HERPUD2: variants seen among roughly 807,000 people sequenced by gnomAD.
HERPUD2 encodes homocysteine-responsive endoplasmic reticulum-resident ubiquitin-like domain member 2 protein.
In HERPUD2, 13 loss-of-function variants were observed where a neutral mutation model predicts 49.9. The ratio of observed to expected loss-of-function variants is 0.26; its 90% CI spans 0.17 to 0.41. HERPUD2 has a LOEUF of 0.41. HERPUD2 is among the 10% of genes least tolerant of loss of function. The pLI, the probability that HERPUD2 is intolerant of heterozygous loss-of-function variation, is 1.00. For synonymous variants in HERPUD2, 172 were observed against 171.4 expected, an observed-to-expected ratio of 1.00 and a Z score of -0.03; for missense variants, 449 against 492.2, an observed-to-expected ratio of 0.91 and a Z score of 0.83.
intron 5 of HERPUD2, among the ~76,000 whole-genome samples, chr7:35,662,845 G>A (rs1785453648): frequency 6.6e-6 from 1 of 152,086 alleles, no homozygotes; most frequent in South Asian, 2.1e-4. Flanking sequence ...TGATATTTTT[G>A]AAGGGTTTTT....
chr7:35,633,977 C>A, intron 8 of HERPUD2, 126 bp from the exon 9 acceptor site: 1 of 915,142 alleles, frequency 1.1e-6, no homozygotes, highest in Non-Finnish European at 1.6e-6. Context: ...CATTAGAAAT[C>A]TTTAAGGCCA....
At chr7:35,690,576 G>C (rs560038182) in intron 2 of HERPUD2, among the ~76,000 whole-genome samples, 2 of 152,212 alleles carry the variant, frequency 1.3e-5, no homozygotes, top group African/African-American at 4.8e-5. Context: ...TCGGGAGGCC[G>C]AGGTGGGTGG....
intron 5 of HERPUD2, among the ~76,000 whole-genome samples, chr7:35,656,595 T>C (rs1785279959): frequency 1.3e-5 from 2 of 152,170 alleles, no homozygotes; most frequent in African/African-American, 4.8e-5. Context: ...CAAAATAGCA[T>C]GGTATTGGTA....
Position 35,633,488 on chromosome 7 carries a change from C to CT in HERPUD2, c.*201dup, listed in dbSNP as rs1554310859. ...TTGTTACGCTATGTTCTGTTAGGAT[C>CT]TTTAAAAAAAAAAAAAAAAAACTCA... On this transcript the variant is annotated 3_prime_UTR_variant, in exon 9 of 9. Transcript: ENST00000311350. 7 of 386,766 alleles carry CT rather than the reference C, an allele frequency of 1.8e-5. No individual in the cohort carries two copies. The highest frequency in any genetic ancestry group is 9.1e-5 in the East Asian group (2 of 22,048). The allele number at this position is 386,766 out of a possible 1,614,324, so 24.0% of individuals were successfully genotyped here. A position where few individuals can be genotyped will look rare whatever the true frequency, so the allele number is the denominator to read the frequency against.
intron 2 of HERPUD2, among the ~76,000 whole-genome samples, chr7:35,682,298 TGTATATATAGATATATACACATACACAC>T (rs1785917436): frequency 7.3e-5 from 4 of 54,994 alleles, no homozygotes; most frequent in Admixed American, 1.9e-4. Flanking sequence ...CGTGTGTGTG[TGTATATATAGATATATACACATACACAC>T]GTGTGTGTGT....
At chr7:35,663,680 G>A (rs145972522) in intron 5 of HERPUD2, among the ~76,000 whole-genome samples, 2 of 152,040 alleles carry the variant, frequency 1.3e-5, no homozygotes, top group Admixed American at 1.3e-4. Context: ...CTTTTGATCT[G>A]TTGGTTTAAA....
chr7:35,692,323 A>C (rs1316829669), intron 2 of HERPUD2, among the ~76,000 whole-genome samples: 1 of 152,106 alleles, frequency 6.6e-6, no homozygotes, highest in Non-Finnish European at 1.5e-5. Context: ...TTTTTAAAAA[A>C]GCTTTAGAAA....
intron 2 of HERPUD2, among the ~76,000 whole-genome samples, chr7:35,675,383 T>C (rs1417737663): frequency 6.6e-6 from 1 of 152,182 alleles, no homozygotes; most frequent in Non-Finnish European, 1.5e-5. Context: ...ATATAATCAA[T>C]GATTTAATTC....
At chr7:35,639,446 A>T (rs1156858951) in intron 5 of HERPUD2, among the ~76,000 whole-genome samples, 1 of 152,184 alleles carries the variant, frequency 6.6e-6, no homozygotes, top group Non-Finnish European at 1.5e-5. Flanking sequence ...CAGGATTCTT[A>T]TCCTGTATTC....
At chr7:35,681,087 G>C (rs1785879640) in intron 2 of HERPUD2, among the ~76,000 whole-genome samples, 1 of 152,146 alleles carries the variant, frequency 6.6e-6, no homozygotes, top group South Asian at 2.1e-4. Flanking sequence ...ACACTTGCTG[G>C]TGCTAAATTT....
chr7:35,671,597 A>G lies in HERPUD2; in HGVS notation c.226-1269T>C, dbSNP rs148688918. On this transcript the variant is annotated intron_variant, in intron 3 of 8. Coordinates refer to ENST00000311350, the MANE Select transcript of HERPUD2 (RefSeq NM_022373.5). ...ATTTATTTATCTTGGGAATGTTTCT[A>G]TAAAACATTTTGTGACTAAATAGGT... Among the ~76,000 whole-genome samples, 84 of 152,230 alleles carry G rather than the reference A, an allele frequency of 5.5e-4. 1 individual carries two copies. The East Asian group carries it at 0.01, about 18-fold the overall frequency.
intron 5 of HERPUD2, among the ~76,000 whole-genome samples, chr7:35,660,280 A>T (rs1399449370): frequency 6.6e-6 from 1 of 152,168 alleles, no homozygotes; most frequent in Non-Finnish European, 1.5e-5. Context: ...TCTATCATTG[A>T]TGGACATTTG....
intron 2 of HERPUD2, among the ~76,000 whole-genome samples, chr7:35,674,658 TC>T (rs1785721845): frequency 6.6e-6 from 1 of 150,992 alleles, no homozygotes. Flanking sequence ...CAACTTTCAG[TC>T]CCACCCCCAC....
chr7:35,662,112 T>A (rs1052678308), intron 5 of HERPUD2, among the ~76,000 whole-genome samples: 7 of 152,248 alleles, frequency 4.6e-5, no homozygotes, highest in Non-Finnish European at 1.0e-4. Flanking sequence ...AAAGGCCTTT[T>A]CTGCATCTAT....
intron 4 of HERPUD2, 67 bp downstream of exon 4, chr7:35,670,148 G>A: frequency 5.7e-6 from 4 of 695,838 alleles, no homozygotes; most frequent in Non-Finnish European, 9.4e-6. Flanking sequence ...GTTTTTAGAG[G>A]CAAAAAATAA....
intron 5 of HERPUD2, among the ~76,000 whole-genome samples, chr7:35,667,223 T>C (rs753319000): frequency 6.6e-6 from 1 of 152,196 alleles, no homozygotes; most frequent in Non-Finnish European, 1.5e-5. Flanking sequence ...ACATTCAAGA[T>C]TGAAAGCACT....
intron 2 of HERPUD2, among the ~76,000 whole-genome samples, chr7:35,686,414 C>T (rs1786045954): frequency 6.7e-6 from 1 of 149,944 alleles, no homozygotes; most frequent in Non-Finnish European, 1.5e-5. Context: ...GTCTCGATCT[C>T]CTGATCTCAT....
intron 5 of HERPUD2, among the ~76,000 whole-genome samples, chr7:35,665,665 C>T (rs569191142): frequency 2.6e-5 from 4 of 152,338 alleles, no homozygotes; most frequent in South Asian, 2.1e-4. Flanking sequence ...ATGCAGAAAT[C>T]GCCCATCTTC....
At chr7:35,644,592 A>T (rs980649343) in intron 5 of HERPUD2, among the ~76,000 whole-genome samples, 2 of 152,046 alleles carry the variant, frequency 1.3e-5, no homozygotes, top group African/African-American at 4.8e-5. Flanking sequence ...ACATGGTGAA[A>T]CCCCATCTCT....
Sources: allele counts gnomAD v4.1 joint callset (sites outside exome capture counted in the v4.1 genomes callset), GRCh38; gene constraint gnomAD v4.1.1; transcripts MANE v1.5; gene names NCBI Gene and HGNC (gene_info 2026-07-23, HGNC 2026-07-21).